Variants in PTPRD observed in about 807,000 individuals in gnomAD.
PTPRD encodes the protein protein tyrosine phosphatase receptor type D, also known as receptor-type tyrosine-protein phosphatase delta.
A neutral mutation model predicts 214.5 loss-of-function variants in PTPRD; 34 were observed. The observed-to-expected ratio is 0.16, with a 90% CI of 0.12 to 0.21. The LOEUF is 0.21. Ranked by LOEUF, PTPRD falls within the 10% of genes least tolerant of loss-of-function variation. The pLI, the probability that PTPRD is intolerant of heterozygous loss-of-function variation, is 1.00. For missense variants in PTPRD, 2,545 were observed against 2,398.7 expected, an observed-to-expected ratio of 1.06 and a Z score of -1.27; for synonymous variants, 1,128 against 845.7, an observed-to-expected ratio of 1.33 and a Z score of -5.79.
chr9:9,053,428 C>G (rs892825094), intron 10 of PTPRD, among the ~76,000 whole-genome samples: 1 of 151,976 alleles, frequency 6.6e-6, no homozygotes, highest in African/African-American at 2.4e-5. Context: ...ATGATGTCTG[C>G]TCTATACAAA....
At chr9:9,513,994 G>A (rs924317948) in intron 8 of PTPRD, among the ~76,000 whole-genome samples, 1 of 152,024 alleles carries the variant, frequency 6.6e-6, no homozygotes, top group Non-Finnish European at 1.5e-5. Flanking sequence ...GGCCATCTAC[G>A]TTGCCTAAAC....
At chr9:10,213,252 A>G (rs2099525258) in intron 3 of PTPRD, among the ~76,000 whole-genome samples, 1 of 152,152 alleles carries the variant, frequency 6.6e-6, no homozygotes, top group African/African-American at 2.4e-5. Context: ...CAGAGTAAGC[A>G]AGTCAAAACA....
rs146287282 is a variant in PTPRD, at chr9:9,837,909, C to T, written c.-367-71058G>A. Among the ~76,000 whole-genome samples the T allele has an allele frequency of 3.0e-3, 451 of 152,252 alleles. 16 individuals are homozygous for T. The East Asian group carries it at 0.081, about 27-fold the overall frequency. On this transcript the variant is annotated intron_variant, in intron 5 of 45. Coordinates refer to ENST00000381196, the MANE Select transcript of PTPRD (RefSeq NM_002839.4). ...CATTAGGTATATCTCCTAATGTTAT[C>T]CCTCCCCACTCCCCCAACCCCACAA...
chr9:9,171,788 A>G (rs1357479914), intron 10 of PTPRD, among the ~76,000 whole-genome samples: 1 of 152,136 alleles, frequency 6.6e-6, no homozygotes, highest in Non-Finnish European at 1.5e-5. Context: ...GCCTCTTGGC[A>G]TGGATTCTAT....
intron 5 of PTPRD, among the ~76,000 whole-genome samples, chr9:9,910,557 C>T (rs142712553): frequency 6.6e-6 from 1 of 152,026 alleles, no homozygotes; most frequent in East Asian, 1.9e-4. Context: ...AAAGTATTGC[C>T]ATTAACTCTC....
At chr9:10,536,723 C>T (rs1176277979) in intron 2 of PTPRD, among the ~76,000 whole-genome samples, 2 of 152,084 alleles carry the variant, frequency 1.3e-5, no homozygotes, top group Non-Finnish European at 2.9e-5. Flanking sequence ...GCCCAGGGAA[C>T]ACTGCAGAGA....
intron 3 of PTPRD, among the ~76,000 whole-genome samples, chr9:10,081,186 A>T (rs2098230831): frequency 1.3e-5 from 2 of 152,104 alleles, no homozygotes; most frequent in African/African-American, 4.8e-5. Context: ...ATTCACAGAC[A>T]TTATTTTAAA....
At chr9:9,500,090 C>G (rs1270296011) in intron 8 of PTPRD, among the ~76,000 whole-genome samples, 1 of 152,092 alleles carries the variant, frequency 6.6e-6, no homozygotes, top group African/African-American at 2.4e-5. Flanking sequence ...CTGCCAAAAA[C>G]TTACTTTTCC....
intron 2 of PTPRD, among the ~76,000 whole-genome samples, chr9:10,452,072 T>C (rs2098845152): frequency 6.6e-6 from 1 of 151,994 alleles, no homozygotes; most frequent in Non-Finnish European, 1.5e-5. Context: ...TCAGTGAGAC[T>C]AGTAGAAGAA....
At chr9:8,929,904 T>C (rs1180231036) in intron 11 of PTPRD, among the ~76,000 whole-genome samples, 3 of 53,466 alleles carry the variant, frequency 5.6e-5, no homozygotes, top group Non-Finnish European at 1.4e-4. Flanking sequence ...TATATGTGTA[T>C]ATATATGTGT....
chr9:8,845,964 C>T (rs938170174), intron 11 of PTPRD, among the ~76,000 whole-genome samples: 4 of 152,168 alleles, frequency 2.6e-5, no homozygotes, highest in African/African-American at 9.7e-5. Context: ...AAAACGAAAA[C>T]AAATAAGAAC....
At chr9:9,834,695 AG>A in intron 5 of PTPRD, among the ~76,000 whole-genome samples, 1 of 152,196 alleles carries the variant, frequency 6.6e-6, no homozygotes, top group Non-Finnish European at 1.5e-5. Context: ...ATCTCTAGGA[AG>A]GGTAAAACAT....
At chr9:8,792,371 A>G (rs2096265169) in intron 11 of PTPRD, among the ~76,000 whole-genome samples, 2 of 152,224 alleles carry the variant, frequency 1.3e-5, no homozygotes, top group Non-Finnish European at 2.9e-5. Flanking sequence ...AAATGCAGTC[A>G]CTTTCTAGAT....
intron 6 of PTPRD, among the ~76,000 whole-genome samples, chr9:9,760,639 C>T (rs1565054501): frequency 2.2e-5 from 3 of 136,992 alleles, no homozygotes; most frequent in Non-Finnish European, 3.1e-5. Context: ...CACACACACA[C>T]ACACACACAC....
At chr9:9,330,027 G>C (rs2041711664) in intron 9 of PTPRD, among the ~76,000 whole-genome samples, 1 of 152,084 alleles carries the variant, frequency 6.6e-6, no homozygotes, top group Non-Finnish European at 1.5e-5. Context: ...AAACAGGCTT[G>C]ACTAAAAATT....
intron 11 of PTPRD, among the ~76,000 whole-genome samples, chr9:8,983,794 G>C (rs935622282): frequency 6.6e-6 from 1 of 151,964 alleles, no homozygotes; most frequent in Non-Finnish European, 1.5e-5. Context: ...TGGGATTACA[G>C]GCATGAGTGC....
chr9:9,170,264 A>G (rs2099911856), intron 10 of PTPRD, among the ~76,000 whole-genome samples: 1 of 152,190 alleles, frequency 6.6e-6, no homozygotes, highest in Admixed American at 6.5e-5. Context: ...CATACCAAAA[A>G]TGTTCATTAG....
intron 8 of PTPRD, among the ~76,000 whole-genome samples, chr9:9,465,181 G>A (rs1056492997): frequency 6.6e-6 from 1 of 152,156 alleles, no homozygotes. Context: ...ATAAGCTGTA[G>A]AAATGTACCA....
At chr9:8,951,331 T>TTA (rs1555584113) in intron 11 of PTPRD, among the ~76,000 whole-genome samples, 6 of 149,508 alleles carry the variant, frequency 4.0e-5, no homozygotes, top group African/African-American at 1.5e-4. Context: ...TTTTTTTTTT[T>TTA]TTTTTTTCAG....
Sources: gnomAD v4.1 joint callset for allele counts (sites outside exome capture counted in the v4.1 genomes callset) on GRCh38, gnomAD v4.1.1 for gene constraint, MANE v1.5 for transcripts, NCBI Gene and HGNC (gene_info 2026-07-23, HGNC 2026-07-21) for gene names.